Variants in PDZRN3 observed in about 807,000 individuals in gnomAD.
PDZRN3 encodes the protein PDZ domain containing ring finger 3, also known as E3 ubiquitin-protein ligase PDZRN3.
In PDZRN3, 38 loss-of-function variants were observed where a neutral mutation model predicts 85.7. The observed-to-expected ratio is 0.44, with a 90% CI of 0.34 to 0.58. PDZRN3 has a LOEUF of 0.58. Among genes scored for constraint, PDZRN3 ranks in the 20% least tolerant of loss-of-function variants. The probability of loss-of-function intolerance (pLI) is 0.01; values close to 1 mark genes in which losing one functional copy is unlikely to be tolerated. For missense variants in PDZRN3, 1,629 were observed against 1,506.4 expected (o/e 1.08, Z -1.35); for synonymous variants, 759 against 638.0 (o/e 1.19, Z -2.86).
At chr3:73,385,184 G>T (rs952359804) in intron 9 of PDZRN3, among the ~76,000 whole-genome samples, 1 of 152,182 alleles carries the variant, frequency 6.6e-6, no homozygotes, top group Non-Finnish European at 1.5e-5. Context: ...TTATCTCAAT[G>T]AATGATTCTC....
At chr3:73,575,138 T>C (rs1702103970) in intron 3 of PDZRN3, among the ~76,000 whole-genome samples, 1 of 152,182 alleles carries the variant, frequency 6.6e-6, no homozygotes, top group South Asian at 2.1e-4. Context: ...AAAGAAGTAA[T>C]GAACGTAAGC....
intron 3 of PDZRN3, among the ~76,000 whole-genome samples, chr3:73,500,444 C>T (rs1382829399): frequency 6.6e-6 from 1 of 152,144 alleles, no homozygotes; most frequent in Non-Finnish European, 1.5e-5. Flanking sequence ...AACCCCATTT[C>T]CACATGAGCT....
chr3:73,487,410 C>T (rs1703683937), intron 3 of PDZRN3, among the ~76,000 whole-genome samples: 1 of 152,114 alleles, frequency 6.6e-6, no homozygotes, highest in African/African-American at 2.4e-5. Context: ...CCTAGACAGT[C>T]ATTTTAAACG....
At chr3:73,586,666 T>C (rs1025333788) in intron 3 of PDZRN3, among the ~76,000 whole-genome samples, 1 of 152,122 alleles carries the variant, frequency 6.6e-6, no homozygotes, top group Non-Finnish European at 1.5e-5. Flanking sequence ...AGGTGTAACT[T>C]ACTACCTTCC....
At chr3:73,399,575 C>T (rs903867286) in intron 5 of PDZRN3, among the ~76,000 whole-genome samples, 4 of 152,160 alleles carry the variant, frequency 2.6e-5, no homozygotes, top group African/African-American at 9.7e-5. Context: ...GAAGGAGTCA[C>T]GGCTGCTTCA....
chr3:73,424,239 A>G (rs2106783328), intron 3 of PDZRN3, among the ~76,000 whole-genome samples: 1 of 152,086 alleles, frequency 6.6e-6, no homozygotes, highest in Admixed American at 6.5e-5. Flanking sequence ...AAACATGATA[A>G]AGAATATGCA....
intron 3 of PDZRN3, among the ~76,000 whole-genome samples, chr3:73,498,447 A>G (rs1254162961): frequency 6.6e-6 from 1 of 152,018 alleles, no homozygotes; most frequent in Non-Finnish European, 1.5e-5. Context: ...CCACCTAGGC[A>G]TTTGAAAAAT....
chr3:73,531,083 T>A (rs1396166514), intron 3 of PDZRN3, among the ~76,000 whole-genome samples: 1 of 151,882 alleles, frequency 6.6e-6, no homozygotes, highest in African/African-American at 2.4e-5. Context: ...ATCCCGTCTC[T>A]ACTAAAAATA....
intron 3 of PDZRN3, among the ~76,000 whole-genome samples, chr3:73,539,272 T>C (rs1187293135): frequency 2.0e-5 from 3 of 152,210 alleles, no homozygotes; most frequent in Non-Finnish European, 2.9e-5. Context: ...TGAAGGAAGA[T>C]AGGTCACCTT....
intron 3 of PDZRN3, among the ~76,000 whole-genome samples, chr3:73,418,529 G>GTACT (rs1432144823): frequency 6.6e-6 from 1 of 152,066 alleles, no homozygotes; most frequent in Non-Finnish European, 1.5e-5. Flanking sequence ...CACTAGACTG[G>GTACT]TACTTACACC....
At chr3:73,404,007 C>T in intron 4 of PDZRN3, 141 bp downstream of exon 4, 1 of 711,942 alleles carries the variant, frequency 1.4e-6, no homozygotes, top group Non-Finnish European at 2.3e-6. Flanking sequence ...GATTTATTGC[C>T]TCTATAAACA....
At chr3:73,615,182 G>A (rs1053773395) in intron 1 of PDZRN3, among the ~76,000 whole-genome samples, 12 of 152,138 alleles carry the variant, frequency 7.9e-5, no homozygotes, top group African/African-American at 2.9e-4. Flanking sequence ...AAACTAATAT[G>A]AGAAGACGTT....
chr3:73,497,814 C>CCCCCCCA (rs1703896522), intron 3 of PDZRN3, among the ~76,000 whole-genome samples: 1 of 151,578 alleles, frequency 6.6e-6, no homozygotes, highest in African/African-American at 2.4e-5. Flanking sequence ...CGTCCCCGCC[C>CCCCCCCA]CCGCCAACAG....
At chr3:73,465,806 G>T (rs1277929536) in intron 3 of PDZRN3, among the ~76,000 whole-genome samples, 1 of 152,200 alleles carries the variant, frequency 6.6e-6, no homozygotes, top group African/African-American at 2.4e-5. Flanking sequence ...GTTATAGTCT[G>T]ATATACCATA....
At chr3:73,579,843 T>C (rs1019973639) in intron 3 of PDZRN3, among the ~76,000 whole-genome samples, 2 of 152,190 alleles carry the variant, frequency 1.3e-5, no homozygotes, top group Non-Finnish European at 2.9e-5. Flanking sequence ...TGTGTGTGTG[T>C]GTATATATAT....
At chr3:73,496,467 G>A (rs756560274) in intron 3 of PDZRN3, among the ~76,000 whole-genome samples, 12 of 150,984 alleles carry the variant, frequency 7.9e-5, no homozygotes, top group Non-Finnish European at 1.2e-4. Flanking sequence ...ATGTCAACTC[G>A]CCATTCTTTT....
chr3:73,488,483 T>C (rs1703707432), intron 3 of PDZRN3, among the ~76,000 whole-genome samples: 1 of 152,194 alleles, frequency 6.6e-6, no homozygotes, highest in East Asian at 1.9e-4. Context: ...TGGAACAATC[T>C]TCCCAGCTCT....
chr3:73,389,314 G>A (rs11128334), intron 7 of PDZRN3, among the ~76,000 whole-genome samples: 56,168 of 151,922 alleles, frequency 0.37, 10,910 homozygotes, highest in East Asian at 0.71. Context: ...CCTTAGAAGC[G>A]ATTCCAGGAT....
At position 73,383,769 on chromosome 3, in the gene PDZRN3, T is replaced by C. The variant is rs779165907; in HGVS notation, c.2797A>G (p.Ile933Val). ...VKIRSDGTRY[I>V]TKRPVRDRLL... ...CGGTCCCGCACGGGCCTCTTGGTGA[T>C]GTAGCGCGTCCCGTCGCTGCGGATC... The change falls in exon 10 of 10, where the codon ATC (isoleucine) becomes GTC (valine). Residue 933 changes from isoleucine to valine, a missense_variant. Coordinates refer to ENST00000263666, the MANE Select transcript of PDZRN3 (RefSeq NM_015009.3). 8 of 1,613,054 alleles carry C rather than the reference T, an allele frequency of 5.0e-6. No homozygotes were observed. The highest frequency in any genetic ancestry group is 1.7e-5 in the Admixed American group (1 of 59,998).
Sources: gnomAD v4.1 joint callset for allele counts (sites outside exome capture counted in the v4.1 genomes callset) on GRCh38, gnomAD v4.1.1 for gene constraint, MANE v1.5 for transcripts, NCBI Gene and HGNC (gene_info 2026-07-23, HGNC 2026-07-21) for gene names.